The following CAMK2D variants were observed in gnomAD, a reference collection of about 807,000 sequenced individuals.
CAMK2D encodes the protein calcium/calmodulin dependent protein kinase II delta, also known as calcium/calmodulin-dependent protein kinase type II subunit delta.
A neutral mutation model predicts 84.0 loss-of-function variants in CAMK2D; 37 were observed. That is an observed-to-expected ratio of 0.44 (90% CI 0.34 to 0.58). CAMK2D has a LOEUF of 0.58. Ranked by LOEUF, CAMK2D falls within the 20% of genes least tolerant of loss-of-function variation. The pLI is 0.02. For synonymous variants in CAMK2D, 202 were observed against 212.5 expected (o/e 0.95, Z 0.43); for missense variants, 448 against 652.5 (o/e 0.69, Z 3.41).
At chr4:113,651,776 G>C (rs1438299331) in intron 3 of CAMK2D, among the ~76,000 whole-genome samples, 1 of 152,066 alleles carries the variant, frequency 6.6e-6, no homozygotes, top group Admixed American at 6.5e-5. Context: ...ATCAGTAAGA[G>C]AGAAAAGTAA....
At chr4:113,673,605 A>G (rs1026097892) in intron 2 of CAMK2D, among the ~76,000 whole-genome samples, 1 of 152,352 alleles carries the variant, frequency 6.6e-6, no homozygotes, top group East Asian at 1.9e-4. Context: ...TGCATCTAAC[A>G]GAGGGTAGCA....
At chr4:113,628,843 T>C (rs1237357672) in intron 3 of CAMK2D, among the ~76,000 whole-genome samples, 1 of 152,074 alleles carries the variant, frequency 6.6e-6, no homozygotes, top group Non-Finnish European at 1.5e-5. Context: ...AAAAATGCTT[T>C]TGAACTAAGT....
chr4:113,513,793 C>A, intron 11 of CAMK2D, 37 bp downstream of exon 11: 1 of 967,594 alleles, frequency 1.0e-6, no homozygotes, highest in South Asian at 1.4e-5. Context: ...CTTAGTCTGT[C>A]AAATCTACCT....
intron 3 of CAMK2D, among the ~76,000 whole-genome samples, chr4:113,636,516 T>C (rs1455797470): frequency 6.6e-6 from 1 of 152,224 alleles, no homozygotes; most frequent in African/African-American, 2.4e-5. Flanking sequence ...CTACTCGGAC[T>C]GCCATAACAA....
At chr4:113,632,326 C>T (rs940824480) in intron 3 of CAMK2D, among the ~76,000 whole-genome samples, 11 of 151,868 alleles carry the variant, frequency 7.2e-5, no homozygotes, top group South Asian at 4.2e-4. Flanking sequence ...TGGGTTTAAG[C>T]GATTCTCCTG....
chr4:113,565,866 T>C (rs1292744973), intron 4 of CAMK2D, among the ~76,000 whole-genome samples: 2 of 152,110 alleles, frequency 1.3e-5, no homozygotes, highest in African/African-American at 4.8e-5. Context: ...ACAGTCTGCT[T>C]TCCTACAGAA....
chr4:113,674,170 G>A (rs1486644169), intron 2 of CAMK2D, among the ~76,000 whole-genome samples: 1 of 152,004 alleles, frequency 6.6e-6, no homozygotes, highest in Non-Finnish European at 1.5e-5. Flanking sequence ...AAATATGCTT[G>A]CATATTTTTT....
chr4:113,512,096 A>T (rs1217504539), intron 12 of CAMK2D, among the ~76,000 whole-genome samples: 2 of 152,230 alleles, frequency 1.3e-5, no homozygotes, highest in Non-Finnish European at 2.9e-5. Context: ...AACTGTATCC[A>T]AACTAAACTG....
intron 2 of CAMK2D, among the ~76,000 whole-genome samples, chr4:113,709,746 G>GAGATATATATATATATATATATATATAT (rs1554070631): frequency 3.6e-4 from 18 of 49,788 alleles, no homozygotes; most frequent in Non-Finnish European, 5.2e-4. Flanking sequence ...AGCCGTGAAC[G>GAGATATATATATATATATATATATATAT]ATATATATAT....
chr4:113,566,648 G>C (rs534190959), intron 4 of CAMK2D, among the ~76,000 whole-genome samples: 2 of 152,190 alleles, frequency 1.3e-5, no homozygotes, highest in Non-Finnish European at 2.9e-5. Context: ...CCTAGGACTT[G>C]GGATGTTTCA....
chr4:113,700,444 A>G (rs527264956), intron 2 of CAMK2D, among the ~76,000 whole-genome samples: 1 of 152,320 alleles, frequency 6.6e-6, no homozygotes, highest in Admixed American at 6.5e-5. Flanking sequence ...CTCTGTGGGC[A>G]TGATTCTAAA....
At chr4:113,493,527 G>A (rs1383935613) in intron 16 of CAMK2D, among the ~76,000 whole-genome samples, 1 of 152,132 alleles carries the variant, frequency 6.6e-6, no homozygotes, top group African/African-American at 2.4e-5. Context: ...TAGTCTGATG[G>A]GCTTCCCTTT....
chr4:113,569,262 T>A (rs1269163606), intron 4 of CAMK2D, among the ~76,000 whole-genome samples: 3 of 152,220 alleles, frequency 2.0e-5, no homozygotes, highest in African/African-American at 7.2e-5. Flanking sequence ...ATCTATTTTT[T>A]CTTTTGTTGC....
chr4:113,558,009 G>T (rs970098016), intron 4 of CAMK2D, among the ~76,000 whole-genome samples: 1 of 152,134 alleles, frequency 6.6e-6, no homozygotes, highest in South Asian at 2.1e-4. Flanking sequence ...ACAGTTCTTG[G>T]AGTTGAACCT....
chr4:113,459,280 A>ATGAT (rs2097342271), intron 18 of CAMK2D, among the ~76,000 whole-genome samples: 1 of 152,152 alleles, frequency 6.6e-6, no homozygotes, highest in Admixed American at 6.6e-5. Flanking sequence ...GTCCAGTGGC[A>ATGAT]TGATTATAGC....
chr4:113,585,253 AT>A (rs1039404484), intron 4 of CAMK2D, among the ~76,000 whole-genome samples: 1 of 152,178 alleles, frequency 6.6e-6, no homozygotes, highest in Admixed American at 6.6e-5. Flanking sequence ...AGAGTAATTG[AT>A]TAATTAATTA....
intron 4 of CAMK2D, among the ~76,000 whole-genome samples, chr4:113,583,736 AG>A (rs2098821467): frequency 1.3e-5 from 2 of 152,260 alleles, no homozygotes; most frequent in Non-Finnish European, 2.9e-5. Flanking sequence ...GGGTACAGAT[AG>A]AATGTACTTA....
chr4:113,542,196 TGACA>T (rs2098534669), intron 6 of CAMK2D, among the ~76,000 whole-genome samples: 1 of 152,146 alleles, frequency 6.6e-6, no homozygotes, highest in African/African-American at 2.4e-5. Flanking sequence ...CTCCACTGCC[TGACA>T]AACACTAGGC....
chr4:113,507,441 T>A (rs1038645426), intron 13 of CAMK2D, among the ~76,000 whole-genome samples: 1 of 151,494 alleles, frequency 6.6e-6, no homozygotes, highest in East Asian at 1.9e-4. Context: ...TTGTTTGTTT[T>A]TTTTTTTAGT....
Sources: allele counts gnomAD v4.1 joint callset (sites outside exome capture counted in the v4.1 genomes callset), GRCh38; gene constraint gnomAD v4.1.1; transcripts MANE v1.5; gene names NCBI Gene and HGNC (gene_info 2026-07-23, HGNC 2026-07-21).